Variants in MEIKIN observed in about 807,000 individuals in gnomAD.
MEIKIN encodes meiotic kinetochore factor, also known as meiosis-specific kinetochore protein.
At chr5:131,903,580 C>G (rs1301037548) in intron 8 of MEIKIN, among the ~76,000 whole-genome samples, 4 of 151,980 alleles carry the variant, frequency 2.6e-5, no homozygotes, top group African/African-American at 4.8e-5. Flanking sequence ...GAAATAAGAT[C>G]CTTTTCAGAC....
intron 8 of MEIKIN, among the ~76,000 whole-genome samples, chr5:131,879,685 A>C (rs1750672668): frequency 6.6e-6 from 1 of 152,192 alleles, no homozygotes; most frequent in African/African-American, 2.4e-5. Flanking sequence ...TTCCAAATCC[A>C]AAGTATCCAG....
intron 12 of MEIKIN, among the ~76,000 whole-genome samples, chr5:131,808,354 A>G (rs180853988): frequency 6.6e-5 from 10 of 152,250 alleles, no homozygotes; most frequent in East Asian, 1.9e-4. Context: ...TCAAATACAC[A>G]TCCAAGGCCA....
At chr5:131,814,598 GA>G (rs913853548) in intron 12 of MEIKIN, among the ~76,000 whole-genome samples, 2 of 151,198 alleles carry the variant, frequency 1.3e-5, no homozygotes, top group East Asian at 1.9e-4. Context: ...CTCTCAATGG[GA>G]AAAAAAAGAA....
intron 8 of MEIKIN, among the ~76,000 whole-genome samples, chr5:131,896,225 A>G (rs1419067336): frequency 1.3e-5 from 2 of 152,160 alleles, no homozygotes; most frequent in East Asian, 1.9e-4. Context: ...ATGAGTTCTA[A>G]TTTGATTGCA....
At chr5:131,918,270 C>T (rs929224598) in intron 6 of MEIKIN, among the ~76,000 whole-genome samples, 4 of 152,190 alleles carry the variant, frequency 2.6e-5, no homozygotes. Context: ...GTTGCATTTG[C>T]ACCTGATTTA....
At chr5:131,920,489 A>AATT (rs1236970136) in intron 6 of MEIKIN, among the ~76,000 whole-genome samples, 2 of 152,232 alleles carry the variant, frequency 1.3e-5, no homozygotes, top group Non-Finnish European at 2.9e-5. Context: ...GATATTCAAA[A>AATT]ATTACAAAGA....
In MEIKIN at chr5:131,818,758, G is replaced by A; in HGVS notation, c.1081C>T (p.Pro361Ser). The A allele has an allele frequency of 2.5e-6, 1 of 398,072 alleles. No individual in the cohort carries two copies. Among genetic ancestry groups the A allele is most frequent in the East Asian group, 3.6e-5 (1 of 27,960 alleles). The allele number at this position is 398,072 out of a possible 1,614,324, so 24.7% of individuals were successfully genotyped here. A position where few individuals can be genotyped will look rare whatever the true frequency, so the allele number is the denominator to read the frequency against. The change falls in exon 12 of 13, where the codon CCT (proline) becomes TCT (serine). Residue 361 changes from proline (P) to serine (S), a missense_variant. By Grantham distance (74) the Pro-to-Ser change is moderately conservative. Transcript: ENST00000442687. ...VIVKKKKYSL[P>S]KDTPQDIIIK... ...ACAGTACCTTGAGGGGTATCCTTAG[G>A]AAGAGAATATTTCTTCTTCTTTACA...
At chr5:131,880,151 G>A (rs1487344284) in intron 8 of MEIKIN, among the ~76,000 whole-genome samples, 7 of 151,960 alleles carry the variant, frequency 4.6e-5, no homozygotes, top group East Asian at 3.9e-4. Context: ...GTGCAGTGGC[G>A]CGATCTAGGC....
At chr5:131,933,390 G>A (rs1287952096) in intron 5 of MEIKIN, 123 bp downstream of exon 5, 1 of 380,534 alleles carries the variant, frequency 2.6e-6, no homozygotes, top group Non-Finnish European at 4.7e-6. Context: ...GGTCAGGGAA[G>A]TGAGGTGTTG....
chr5:131,858,588 CTAAT>C (rs1317390382), intron 9 of MEIKIN, among the ~76,000 whole-genome samples: 3 of 152,106 alleles, frequency 2.0e-5, no homozygotes, highest in Non-Finnish European at 4.4e-5. Context: ...CAAATGGGAC[CTAAT>C]TAAACAAAAG....
chr5:131,887,147 C>A (rs1750812061), intron 8 of MEIKIN, among the ~76,000 whole-genome samples: 1 of 151,986 alleles, frequency 6.6e-6, no homozygotes, highest in African/African-American at 2.4e-5. Flanking sequence ...CATGCCCCTG[C>A]AAAGGACATG....
At chr5:131,872,517 T>A (rs1450789983) in intron 9 of MEIKIN, among the ~76,000 whole-genome samples, 3 of 152,124 alleles carry the variant, frequency 2.0e-5, no homozygotes, top group African/African-American at 7.2e-5. Flanking sequence ...CAAATCAACA[T>A]CTGATTGGTG....
At chr5:131,850,790 A>C (rs944681780) in intron 11 of MEIKIN, among the ~76,000 whole-genome samples, 1 of 152,098 alleles carries the variant, frequency 6.6e-6, no homozygotes, top group Non-Finnish European at 1.5e-5. Flanking sequence ...AATACAAAAA[A>C]TTAGCTGGGC....
chr5:131,873,376 C>A (rs1028934878), intron 9 of MEIKIN, among the ~76,000 whole-genome samples: 2 of 152,050 alleles, frequency 1.3e-5, no homozygotes, highest in Non-Finnish European at 2.9e-5. Context: ...AGACTTTAAA[C>A]CAACAAAGAT....
chr5:131,922,497 G>A (rs1210169765), intron 5 of MEIKIN, among the ~76,000 whole-genome samples: 1 of 151,966 alleles, frequency 6.6e-6, no homozygotes, highest in Admixed American at 6.6e-5. Context: ...ATAGGAGGAT[G>A]TGCATAGGTT....
intron 11 of MEIKIN, among the ~76,000 whole-genome samples, chr5:131,826,014 A>G (rs546707264): frequency 6.6e-6 from 1 of 152,296 alleles, no homozygotes; most frequent in African/African-American, 2.4e-5. Context: ...GCATTTTTTA[A>G]AAACTAACAC....
chr5:131,890,003 C>A (rs1750879576), intron 8 of MEIKIN, among the ~76,000 whole-genome samples: 1 of 152,152 alleles, frequency 6.6e-6, no homozygotes, highest in Non-Finnish European at 1.5e-5. Flanking sequence ...TATTTATATG[C>A]TGGATTACGT....
chr5:131,893,680 G>A (rs538622016), intron 8 of MEIKIN, among the ~76,000 whole-genome samples: 73 of 152,300 alleles, frequency 4.8e-4, no homozygotes, highest in Middle Eastern at 3.4e-3. Context: ...CTTCTGCGTC[G>A]CTCATGCTGG....
chr5:131,891,446 G>A (rs1277108766), intron 8 of MEIKIN, among the ~76,000 whole-genome samples: 2 of 152,152 alleles, frequency 1.3e-5, no homozygotes, highest in Non-Finnish European at 2.9e-5. Context: ...TTTTCTTGTT[G>A]AATTGATCTC....
Sources: gnomAD v4.1 joint callset for allele counts (sites outside exome capture counted in the v4.1 genomes callset) on GRCh38, gnomAD v4.1.1 for gene constraint, MANE v1.5 for transcripts, NCBI Gene and HGNC (gene_info 2026-07-23, HGNC 2026-07-21) for gene names.